The following SND1 variants were observed in gnomAD, a reference collection of about 807,000 sequenced individuals.
SND1 encodes the protein staphylococcal nuclease and tudor domain containing 1.
A neutral mutation model predicts 121.7 loss-of-function variants in SND1; 38 were observed. The ratio of observed to expected loss-of-function variants is 0.31; its 90% CI spans 0.24 to 0.41. The LOEUF is 0.41. SND1 is among the 10% of genes least tolerant of loss of function. The pLI, the probability that SND1 is intolerant of heterozygous loss-of-function variation, is 1.00. For synonymous variants in SND1, 401 were observed against 447.4 expected, an observed-to-expected ratio of 0.90 and a Z score of 1.31; for missense variants, 868 against 1,184.6, an observed-to-expected ratio of 0.73 and a Z score of 3.92.
chr7:127,710,649 A>G (rs1015903248), intron 9 of SND1, among the ~76,000 whole-genome samples: 2 of 152,204 alleles, frequency 1.3e-5, no homozygotes, highest in African/African-American at 4.8e-5. Context: ...TAAAGAATGT[A>G]CCAGTTCAAT....
chr7:127,791,889 A>G (rs1797915834), intron 10 of SND1, among the ~76,000 whole-genome samples: 2 of 152,212 alleles, frequency 1.3e-5, no homozygotes, highest in Admixed American at 6.5e-5. Context: ...CATTTAAGCT[A>G]ACTTTAGTCT....
chr7:127,702,341 G>C, intron 5 of SND1, 94 bp from the exon 6 acceptor site: 1 of 1,127,548 alleles, frequency 8.9e-7, no homozygotes, highest in Non-Finnish European at 1.3e-6. Context: ...GGTTTTTGGG[G>C]AGAGGAAACT....
intron 12 of SND1, among the ~76,000 whole-genome samples, chr7:127,847,545 A>G (rs1336552536): frequency 6.6e-6 from 1 of 152,168 alleles, no homozygotes; most frequent in Non-Finnish European, 1.5e-5. Flanking sequence ...CACCTATTTG[A>G]TATCTTGTTG....
intron 9 of SND1, among the ~76,000 whole-genome samples, chr7:127,719,000 G>T (rs1357079313): frequency 6.6e-6 from 1 of 152,068 alleles, no homozygotes; most frequent in Non-Finnish European, 1.5e-5. Flanking sequence ...TATCCTTTGG[G>T]TATCTGTTTG....
chr7:127,791,235 A>G (rs1378177788), intron 10 of SND1, among the ~76,000 whole-genome samples: 4 of 148,290 alleles, frequency 2.7e-5, no homozygotes, highest in South Asian at 2.1e-4. Flanking sequence ...TGGGCTTGCA[A>G]CCTCCTGGAC....
At chr7:127,748,699 T>A (rs142950289) in intron 10 of SND1, among the ~76,000 whole-genome samples, 27 of 152,348 alleles carry the variant, frequency 1.8e-4, no homozygotes, top group African/African-American at 5.5e-4. Flanking sequence ...TGAATTGGTC[T>A]GTTAGAAACT....
chr7:127,766,543 A>G (rs1181256604), intron 10 of SND1, among the ~76,000 whole-genome samples: 1 of 152,128 alleles, frequency 6.6e-6, no homozygotes, highest in Non-Finnish European at 1.5e-5. Flanking sequence ...TGGGAGGCCA[A>G]GGCGGGCGAA....
intron 15 of SND1, among the ~76,000 whole-genome samples, chr7:127,990,462 A>C (rs1802494725): frequency 6.6e-6 from 1 of 152,212 alleles, no homozygotes; most frequent in Non-Finnish European, 1.5e-5. Context: ...GAAAAGTGAC[A>C]CTGAATTAAC....
intron 1 of SND1, chr7:127,685,826 A>C (rs552940513): frequency 1.3e-5 from 2 of 152,288 alleles, no homozygotes; most frequent in African/African-American, 4.8e-5. Context: ...TATTGCATCC[A>C]CCTTAGCCTT....
At chr7:127,881,471 A>G (rs1799788783) in intron 12 of SND1, among the ~76,000 whole-genome samples, 1 of 152,100 alleles carries the variant, frequency 6.6e-6, no homozygotes, top group Non-Finnish European at 1.5e-5. Flanking sequence ...ACCAAGTAGT[A>G]TATTCCTTTT....
At chr7:127,801,240 A>T (rs1229743312) in intron 10 of SND1, among the ~76,000 whole-genome samples, 1 of 152,220 alleles carries the variant, frequency 6.6e-6, no homozygotes, top group Non-Finnish European at 1.5e-5. Context: ...GTTAAGGGGC[A>T]TTCCTATTTC....
At chr7:127,976,201 G>A (rs866324593) in intron 15 of SND1, among the ~76,000 whole-genome samples, 19 of 152,184 alleles carry the variant, frequency 1.2e-4, no homozygotes, top group Admixed American at 2.6e-4. Flanking sequence ...CCTCCTCTCC[G>A]TAATCAGTCC....
intron 15 of SND1, among the ~76,000 whole-genome samples, chr7:127,952,722 G>A (rs1801490092): frequency 6.6e-6 from 1 of 152,174 alleles, no homozygotes; most frequent in Admixed American, 6.5e-5. Context: ...AAAATTGAAA[G>A]TGTCAGATAC....
chr7:128,045,475 G>C (rs151312968), intron 16 of SND1, among the ~76,000 whole-genome samples: 1 of 152,320 alleles, frequency 6.6e-6, no homozygotes, highest in African/African-American at 2.4e-5. Context: ...TTGGGGCACA[G>C]AGCAACCCAT....
chr7:127,852,535 T>G (rs1311300339), intron 12 of SND1, among the ~76,000 whole-genome samples: 3 of 139,004 alleles, frequency 2.2e-5, no homozygotes, highest in Non-Finnish European at 3.1e-5. Flanking sequence ...GAAAGCTGGG[T>G]GCAGTGGCTC....
chr7:127,947,851 G>A (rs1801363675), intron 15 of SND1, among the ~76,000 whole-genome samples: 1 of 152,160 alleles, frequency 6.6e-6, no homozygotes, highest in South Asian at 2.1e-4. Flanking sequence ...ACCCATCAGT[G>A]AATAGTATGG....
At chr7:127,916,907 T>G (rs548800172) in intron 14 of SND1, among the ~76,000 whole-genome samples, 5 of 152,300 alleles carry the variant, frequency 3.3e-5, no homozygotes, top group Admixed American at 1.3e-4. Context: ...TTTAGGAGTT[T>G]CGTAACAATA....
chr7:128,083,870 G>A (rs1163368714), intron 18 of SND1, among the ~76,000 whole-genome samples: 1 of 152,186 alleles, frequency 6.6e-6, no homozygotes, highest in East Asian at 1.9e-4. Flanking sequence ...GTCAGGGTGG[G>A]AGAATTCTAC....
At chr7:128,028,557 T>A in intron 16 of SND1, 1 of 908,692 alleles carries the variant, frequency 1.1e-6, no homozygotes, top group South Asian at 2.2e-5. Context: ...CTGTTTTTTT[T>A]AACCAGCCCA....
Sources: allele counts gnomAD v4.1 joint callset (sites outside exome capture counted in the v4.1 genomes callset), GRCh38; gene constraint gnomAD v4.1.1; transcripts MANE v1.5; gene names NCBI Gene and HGNC (gene_info 2026-07-23, HGNC 2026-07-21).